PIK3C2G: variants seen among roughly 807,000 people sequenced by gnomAD.
PIK3C2G encodes phosphatidylinositol 3-kinase C2 domain-containing subunit gamma.
A neutral mutation model predicts 181.1 loss-of-function variants in PIK3C2G; 168 were observed. The observed-to-expected ratio is 0.93, with a 90% CI of 0.82 to 1.05. PIK3C2G has a LOEUF of 1.05. Ranked by LOEUF, PIK3C2G falls within the 50% of genes least tolerant of loss-of-function variation. The pLI is 0.00. For missense variants in PIK3C2G, 1,869 were observed against 1,732.8 expected (o/e 1.08, Z -1.40); for synonymous variants, 573 against 592.2 (o/e 0.97, Z 0.47).
At chr12:18,392,749 G>A (rs1206805517) in intron 15 of PIK3C2G, among the ~76,000 whole-genome samples, 1 of 152,024 alleles carries the variant, frequency 6.6e-6, no homozygotes, top group African/African-American at 2.4e-5. Context: ...ACTGGAAAAA[G>A]TAAGGAACCT....
chr12:18,528,895 G>A (rs1316486977), intron 24 of PIK3C2G, among the ~76,000 whole-genome samples: 2 of 152,176 alleles, frequency 1.3e-5, no homozygotes, highest in African/African-American at 4.8e-5. Flanking sequence ...AGTCTCATAT[G>A]TACTTGCTAT....
At chr12:18,287,003 C>T (rs893309601) in intron 3 of PIK3C2G, 74 bp downstream of exon 3, 1 of 617,242 alleles carries the variant, frequency 1.6e-6, no homozygotes, top group Non-Finnish European at 2.6e-6. Flanking sequence ...CATCACTGAA[C>T]TGATTAATTT....
intron 11 of PIK3C2G, among the ~76,000 whole-genome samples, chr12:18,354,104 G>A (rs1331043775): frequency 6.6e-6 from 1 of 152,226 alleles, no homozygotes; most frequent in African/African-American, 2.4e-5. Flanking sequence ...GTGTTAGTCA[G>A]GGTTTGCTTT....
intron 18 of PIK3C2G, among the ~76,000 whole-genome samples, chr12:18,481,365 C>T (rs1003574169): frequency 2.0e-5 from 3 of 152,144 alleles, no homozygotes; most frequent in African/African-American, 7.2e-5. Context: ...TTTCTTATTA[C>T]AGGTGCAGGA....
intron 32 of PIK3C2G, among the ~76,000 whole-genome samples, chr12:18,647,277 A>C (rs1306861639): frequency 1.3e-5 from 2 of 152,008 alleles, no homozygotes; most frequent in Non-Finnish European, 2.9e-5. Context: ...GGGAACCATA[A>C]AGACTGGAGA....
At chr12:18,618,104 A>T (rs1948684723) in intron 31 of PIK3C2G, among the ~76,000 whole-genome samples, 1 of 152,108 alleles carries the variant, frequency 6.6e-6, no homozygotes, top group South Asian at 2.1e-4. Context: ...CGTTTTCTCT[A>T]CTTTTTTTTT....
At chr12:18,519,538 C>A (rs190007615) in intron 24 of PIK3C2G, among the ~76,000 whole-genome samples, 48 of 152,192 alleles carry the variant, frequency 3.2e-4, no homozygotes, top group South Asian at 6.2e-4. Context: ...AGGATTACAA[C>A]CCCTGCTTTC....
At chr12:18,466,178 C>T (rs1435504832) in intron 18 of PIK3C2G, among the ~76,000 whole-genome samples, 1 of 151,378 alleles carries the variant, frequency 6.6e-6, no homozygotes, top group Non-Finnish European at 1.5e-5. Context: ...ATTATTTATT[C>T]TGTTAGTATA....
At chr12:18,393,459 T>A (rs370882649) in intron 15 of PIK3C2G, among the ~76,000 whole-genome samples, 12 of 152,054 alleles carry the variant, frequency 7.9e-5, no homozygotes, top group East Asian at 5.8e-4. Flanking sequence ...CCAAAAGTAA[T>A]CAGAGTGAGG....
At chr12:18,714,208 A>C in the PIK3C2G span, among the ~76,000 whole-genome samples, 1 of 152,216 alleles carries the variant, frequency 6.6e-6, no homozygotes, top group Non-Finnish European at 1.5e-5. Flanking sequence ...TAGCGTTAAG[A>C]TAATTCTTTA....
chr12:18,506,538 C>T (rs993298174), intron 24 of PIK3C2G, among the ~76,000 whole-genome samples: 3 of 152,000 alleles, frequency 2.0e-5, no homozygotes, highest in South Asian at 2.1e-4. Context: ...ATTGATTGGA[C>T]GTTGGCTGTG....
chr12:18,663,453 A>G, the PIK3C2G span, among the ~76,000 whole-genome samples: 2 of 152,144 alleles, frequency 1.3e-5, no homozygotes, highest in Non-Finnish European at 2.9e-5. Context: ...TTTAAACTAC[A>G]TAGGAGGATA....
chr12:18,593,443 C>T (rs916599107), intron 29 of PIK3C2G, among the ~76,000 whole-genome samples: 6 of 151,706 alleles, frequency 4.0e-5, no homozygotes, highest in African/African-American at 1.5e-4. Flanking sequence ...GAGAAGGAGT[C>T]AGAGTTGGAA....
chr12:18,571,936 T>A lies in PIK3C2G; in HGVS notation c.4011+4879T>A, dbSNP rs1945965358. ...CTAATGCTTTTTCTCTTTTCTTCCA[T>A]TCTTTTTTTAAATTTAGTATTTATT... On this transcript the variant is annotated intron_variant, in intron 29 of 32. Transcript: ENST00000538779. Among the ~76,000 whole-genome samples, 4 of 150,824 alleles carry A rather than the reference T, an allele frequency of 2.7e-5. 2 individuals carry two copies. Among genetic ancestry groups the A allele is most frequent in the African/African-American group, 9.9e-5 (4 of 40,446 alleles).
intron 31 of PIK3C2G, among the ~76,000 whole-genome samples, chr12:18,614,296 T>C (rs969356625): frequency 6.6e-6 from 1 of 152,138 alleles, no homozygotes; most frequent in African/African-American, 2.4e-5. Flanking sequence ...GATATTCTAC[T>C]GTGTTTCATG....
At chr12:18,614,040 T>C (rs1395733424) in intron 31 of PIK3C2G, among the ~76,000 whole-genome samples, 1 of 152,118 alleles carries the variant, frequency 6.6e-6, no homozygotes, top group African/African-American at 2.4e-5. Context: ...TTTGTTGTTT[T>C]TTAAAATCTA....
At chr12:18,292,412 C>T (rs560651528) in intron 4 of PIK3C2G, among the ~76,000 whole-genome samples, 155 of 151,590 alleles carry the variant, frequency 1.0e-3, no homozygotes, top group African/African-American at 3.6e-3. Context: ...CACTCATTTC[C>T]TTTGCTTATC....
upstream of PIK3C2G, among the ~76,000 whole-genome samples, chr12:18,246,804 C>T (rs1165143585): frequency 2.0e-5 from 3 of 152,172 alleles, no homozygotes; most frequent in East Asian, 5.8e-4. Flanking sequence ...AGGTCTAGGA[C>T]AACCTCTCCT....
At chr12:18,294,105 CA>C in intron 5 of PIK3C2G, 90 bp downstream of exon 5, 2 of 651,288 alleles carry the variant, frequency 3.1e-6, no homozygotes, top group Non-Finnish European at 5.5e-6. Flanking sequence ...AGACTTTACA[CA>C]AACATTATAG....
Sources: gnomAD v4.1 joint callset for allele counts (sites outside exome capture counted in the v4.1 genomes callset) on GRCh38, gnomAD v4.1.1 for gene constraint, MANE v1.5 for transcripts, NCBI Gene and HGNC (gene_info 2026-07-23, HGNC 2026-07-21) for gene names.